ASRGL1: variants seen among roughly 807,000 people sequenced by gnomAD.
ASRGL1 encodes asparaginase and isoaspartyl peptidase 1.
ASRGL1 carries 16 observed loss-of-function variants against 22.4 expected under a neutral mutation model. The ratio of observed to expected loss-of-function variants is 0.71; its 90% confidence interval spans 0.48 to 1.08. The LOEUF (loss-of-function observed/expected upper bound fraction) is 1.08, where lower values mean the gene tolerates loss of function less well. Among genes scored for constraint, ASRGL1 ranks in the 50% least tolerant of loss-of-function variants. The pLI is 0.00. For missense variants in ASRGL1, 412 were observed against 410.1 expected (o/e 1.00, Z -0.04); for synonymous variants, 165 against 159.3 (o/e 1.04, Z -0.27).
Position 62,391,509 on chromosome 11 carries a change from C to T in ASRGL1, c.611-13C>T. The T allele has an allele frequency of 6.2e-7, 1 of 1,604,044 alleles. No individual in the cohort carries two copies. The highest frequency in any genetic ancestry group is 8.5e-7 in the Non-Finnish European group (1 of 1,174,796). ...GACTGTTACTGCTCAGAACAATCAC[C>T]CTTTTTGAGCAGGAGCTGGAGGTTA... On this transcript the variant is annotated splice_polypyrimidine_tract_variant and intron_variant, in intron 5 of 6. Transcript: ENST00000415229.
chr11:62,344,812 TAA>T lies in ASRGL1; in HGVS notation c.190+6646_190+6647del, dbSNP rs1399006983. 3.3e-5 allele frequency among the ~76,000 whole-genome samples: 5 copies of T among 152,322 alleles called. No individual in the cohort carries two copies. The East Asian group carries it at 7.7e-4, about 23-fold the overall frequency. ...TAGTCACTGTTGTGCTATCAAATAC[TAA>T]CTCATATTCATTCTATTTTTTGTAC... On this transcript the variant is annotated intron_variant, in intron 2 of 6. Coordinates refer to ENST00000415229, the MANE Select transcript of ASRGL1 (RefSeq NM_001083926.2).
chr11:62,375,125 A>G (rs1314602193), intron 4 of ASRGL1, among the ~76,000 whole-genome samples: 2 of 152,086 alleles, frequency 1.3e-5, no homozygotes, highest in Non-Finnish European at 2.9e-5. Flanking sequence ...CTGGAGCAGG[A>G]AAGGGATCTT....
At chr11:62,372,620 C>T (rs1350554559) in intron 4 of ASRGL1, 3 of 885,820 alleles carry the variant, frequency 3.4e-6, no homozygotes, top group African/African-American at 1.6e-5. Flanking sequence ...TGGCCTGTGG[C>T]GCTAACCACA....
chr11:62,360,659 A>T (rs1420524752), intron 4 of ASRGL1, among the ~76,000 whole-genome samples: 1 of 152,226 alleles, frequency 6.6e-6, no homozygotes, highest in East Asian at 1.9e-4. Flanking sequence ...ATTAAGATCT[A>T]CTTATTAATC....
At chr11:62,387,078 T>C (rs1947232804) in intron 4 of ASRGL1, among the ~76,000 whole-genome samples, 1 of 150,934 alleles carries the variant, frequency 6.6e-6, no homozygotes, top group African/African-American at 2.4e-5. Flanking sequence ...TTTTTTTGTA[T>C]TTTTAGTAGA....
chr11:62,351,312 A>AT (rs1324379719), intron 2 of ASRGL1, among the ~76,000 whole-genome samples: 1 of 151,998 alleles, frequency 6.6e-6, no homozygotes, highest in Non-Finnish European at 1.5e-5. Flanking sequence ...ATATTTACCA[A>AT]TTTTTTCTCC....
intron 5 of ASRGL1, among the ~76,000 whole-genome samples, chr11:62,390,275 A>G (rs572635564): frequency 6.6e-6 from 1 of 152,348 alleles, no homozygotes; most frequent in East Asian, 1.9e-4. Flanking sequence ...CATAAGCTAA[A>G]TTCTCAGAAC....
intron 2 of ASRGL1, among the ~76,000 whole-genome samples, chr11:62,340,811 T>G: frequency 6.6e-6 from 1 of 152,250 alleles, no homozygotes; most frequent in Non-Finnish European, 1.5e-5. Flanking sequence ...TCCTCTGCTA[T>G]AATCCTCTAG....
At chr11:62,377,400 A>G (rs1946957885) in intron 4 of ASRGL1, among the ~76,000 whole-genome samples, 1 of 152,208 alleles carries the variant, frequency 6.6e-6, no homozygotes. Flanking sequence ...CTGATACAAT[A>G]TTAATAGGTT....
chr11:62,381,129 G>A (rs1434565106), intron 4 of ASRGL1, among the ~76,000 whole-genome samples: 5 of 152,098 alleles, frequency 3.3e-5, no homozygotes, highest in Non-Finnish European at 4.4e-5. Flanking sequence ...ACTGTATTTG[G>A]ATTGGCGTTG....
chr11:62,383,684 G>A (rs1401414113), intron 4 of ASRGL1, among the ~76,000 whole-genome samples: 1 of 150,390 alleles, frequency 6.6e-6, no homozygotes, highest in East Asian at 2.0e-4. Flanking sequence ...CACTTTGGGA[G>A]GCCAAGGTGG....
chr11:62,347,906 G>A (rs545782382), intron 2 of ASRGL1, among the ~76,000 whole-genome samples: 11 of 152,268 alleles, frequency 7.2e-5, no homozygotes, highest in East Asian at 5.8e-4. Flanking sequence ...CAGCCTGGGC[G>A]ACAGAATGAG....
chr11:62,392,050 GTTGT>G lies in ASRGL1; in HGVS notation c.722-26_722-23del, dbSNP rs756423004. On this transcript the variant is annotated intron_variant, in intron 6 of 6. Coordinates refer to ENST00000415229, the MANE Select transcript of ASRGL1 (RefSeq NM_001083926.2). ...CATGAGATTCCTTTCAGTAATGTGTGTTGTTTCTCAACCCTTCCTTGTTTTCAGG... is the reference window on the plus strand; with the variant it reads ...CATGAGATTCCTTTCAGTAATGTGTGTTCTCAACCCTTCCTTGTTTTCAGG... The G allele has an allele frequency of 6.0e-5, 97 of 1,607,164 alleles. 1 individual carries two copies. The highest frequency in any genetic ancestry group is 1.6e-4 in the Middle Eastern group (1 of 6,068).
chr11:62,375,235 A>G lies in ASRGL1; in HGVS notation c.492-13898A>G, dbSNP rs373168044. On this transcript the variant is annotated intron_variant, in intron 4 of 6. Transcript: ENST00000415229. ...CTTTAAAACAAAGAGTTGTGGGGGA[A>G]GGGTGCCGTGCACTCCTAGAGAAAG... Among the ~76,000 whole-genome samples the G allele has an allele frequency of 4.0e-4, 60 of 151,854 alleles. 1 individual carries two copies. Among genetic ancestry groups the G allele is most frequent in the African/African-American group, 1.4e-3 (60 of 41,404 alleles).
chr11:62,392,366 C>A lies in ASRGL1; in HGVS notation c.*82C>A. The A allele has an allele frequency of 6.6e-7, 1 of 1,506,994 alleles. No individual in the cohort carries two copies. 93.4% of individuals were successfully genotyped at this position (1,506,994 alleles called of 1,614,324 possible). ...TGAGACATAGCCTAATCAATTAGATCTAGAATTGGAAAAATTGTCCCGTCT... is the reference window on the plus strand; with the variant it reads ...TGAGACATAGCCTAATCAATTAGATATAGAATTGGAAAAATTGTCCCGTCT... On this transcript the variant is annotated 3_prime_UTR_variant, in exon 7 of 7. Transcript: ENST00000415229.
chr11:62,391,414 G>T (rs2958531), intron 5 of ASRGL1, 108 bp from the exon 6 acceptor site: 1,164,171 of 1,430,572 alleles, frequency 0.81, 474,831 homozygotes, highest in South Asian at 0.85. Flanking sequence ...GACCTTTGTC[G>T]GTACTTGAGC....
chr11:62,389,416 G>T (rs539863514), intron 5 of ASRGL1, 165 bp downstream of exon 5: 3 of 742,442 alleles, frequency 4.0e-6, no homozygotes, highest in African/African-American at 1.7e-5. Flanking sequence ...GGGGTTGTTC[G>T]GGGTGCTGCC....
Position 62,392,152 on chromosome 11 carries a change from C to T in ASRGL1, c.795C>T (p.Leu265=). The part of the protein sequence containing the change: ...MKSRVKGLGG[L]IVVSKTGDWV... ...CAAGGGTTAAAGGTTTAGGTGGCCT[C>T]ATCGTGGTTAGCAAAACAGGAGACT... The change falls in exon 7 of 7, where the codon CTC becomes CTT. Residue 265 remains leucine (L), a synonymous_variant. Coordinates refer to ENST00000415229, the MANE Select transcript of ASRGL1 (RefSeq NM_001083926.2). The T allele has an allele frequency of 1.2e-6, 2 of 1,614,230 alleles. No individual in the cohort carries two copies. Among genetic ancestry groups the T allele is most frequent in the Non-Finnish European group, 1.7e-6 (2 of 1,180,044 alleles).
At chr11:62,345,228 C>T (rs1224614729) in intron 2 of ASRGL1, among the ~76,000 whole-genome samples, 4 of 151,984 alleles carry the variant, frequency 2.6e-5, no homozygotes, top group African/African-American at 9.7e-5. Context: ...GGTGTGTAGC[C>T]GGCAGTGGGA....
Sources: gnomAD v4.1 joint callset for allele counts (sites outside exome capture counted in the v4.1 genomes callset) on GRCh38, gnomAD v4.1.1 for gene constraint, MANE v1.5 for transcripts, NCBI Gene and HGNC (gene_info 2026-07-23, HGNC 2026-07-21) for gene names.